The following NRXN1 variants were observed in gnomAD, a reference collection of about 807,000 sequenced individuals.
NRXN1 encodes neurexin-1.
Under a neutral mutation model 150.9 loss-of-function variants are expected in NRXN1, and 39 were observed. The ratio of observed to expected loss-of-function variants is 0.26; its 90% CI spans 0.20 to 0.34. The LOEUF (loss-of-function observed/expected upper bound fraction) is 0.34, where lower values mean the gene tolerates loss of function less well. Ranked by LOEUF, NRXN1 falls within the 10% of genes least tolerant of loss-of-function variation. The pLI is 1.00. For missense variants in NRXN1, 1,815 were observed against 1,949.9 expected (o/e 0.93, Z 1.30); for synonymous variants, 924 against 757.0 (o/e 1.22, Z -3.62).
intron 8 of NRXN1, among the ~76,000 whole-genome samples, chr2:50,579,187 G>C (rs1338750037): frequency 6.6e-6 from 1 of 152,220 alleles, no homozygotes; most frequent in Non-Finnish European, 1.5e-5. Flanking sequence ...AGCAGAGCAA[G>C]TGCTTTTTGG....
At chr2:50,448,807 G>A (rs1011041021) in intron 17 of NRXN1, among the ~76,000 whole-genome samples, 5 of 152,062 alleles carry the variant, frequency 3.3e-5, no homozygotes, top group Admixed American at 6.6e-5. Context: ...GCCACCTGCC[G>A]ACTCACTGAA....
At chr2:50,267,781 C>T (rs189279013) in intron 17 of NRXN1, among the ~76,000 whole-genome samples, 1 of 152,190 alleles carries the variant, frequency 6.6e-6, no homozygotes, top group East Asian at 1.9e-4. Flanking sequence ...ATTTTAAAAG[C>T]ACTTTATGAT....
At chr2:50,451,771 C>A (rs1312447467) in intron 17 of NRXN1, among the ~76,000 whole-genome samples, 2 of 152,142 alleles carry the variant, frequency 1.3e-5, no homozygotes, top group East Asian at 3.8e-4. Flanking sequence ...AGAACACAGG[C>A]ATACATCTTA....
Position 50,013,098 on chromosome 2 carries a change from C to A in NRXN1, c.4128+40173G>T, listed in dbSNP as rs1043590650. ...AAATATCCCTCTACTAACAGTCACT[C>A]AAGATCATGATTTAATCATTTCATG... On this transcript the variant is annotated intron_variant, in intron 21 of 22. Coordinates refer to ENST00000401669, the MANE Select transcript of NRXN1 (RefSeq NM_001330078.2). Among the ~76,000 whole-genome samples the A allele has an allele frequency of 4.6e-5, 7 of 152,160 alleles. No individual in the cohort carries two copies. In the South Asian group the frequency reaches 8.3e-4, roughly 18 times the overall value.
intron 15 of NRXN1, among the ~76,000 whole-genome samples, chr2:50,476,385 T>C (rs1230406420): frequency 1.3e-5 from 2 of 152,134 alleles, no homozygotes; most frequent in Admixed American, 1.3e-4. Context: ...TGCCACCTAC[T>C]GGCTGTCTCA....
rs938712525 is a variant in NRXN1 at position 50,865,864 on chromosome 2, T to C, written c.832+56005A>G. On this transcript the variant is annotated intron_variant, in intron 5 of 22. Transcript: ENST00000401669. ...AGCTCATTTAATCTTAAAAACAATCTGAGAAGGGGATCTTACAGAATCCCA... is the reference window on the plus strand; with the variant it reads ...AGCTCATTTAATCTTAAAAACAATCCGAGAAGGGGATCTTACAGAATCCCA... Among the ~76,000 whole-genome samples the C allele has an allele frequency of 8.6e-5, 13 of 151,020 alleles. 1 individual carries two copies. The highest frequency in any genetic ancestry group is 6.6e-4 in the Admixed American group (10 of 15,070).
At chr2:50,257,628 T>G (rs867272323) in intron 17 of NRXN1, among the ~76,000 whole-genome samples, 1 of 151,962 alleles carries the variant, frequency 6.6e-6, no homozygotes. Context: ...CCTCTGGAAG[T>G]GCCAACGAGT....
intron 17 of NRXN1, among the ~76,000 whole-genome samples, chr2:50,387,594 A>C (rs2081409872): frequency 6.6e-6 from 1 of 152,158 alleles, no homozygotes; most frequent in Non-Finnish European, 1.5e-5. Flanking sequence ...CTAAGGTAGG[A>C]GAAGTGAATA....
chr2:50,312,460 T>C (rs970681777), intron 17 of NRXN1, among the ~76,000 whole-genome samples: 4 of 151,902 alleles, frequency 2.6e-5, no homozygotes, highest in African/African-American at 9.7e-5. Flanking sequence ...AACTTTGCAG[T>C]TTTTACACAT....
At chr2:50,338,050 C>T (rs973622094) in intron 17 of NRXN1, among the ~76,000 whole-genome samples, 1 of 152,204 alleles carries the variant, frequency 6.6e-6, no homozygotes, top group African/African-American at 2.4e-5. Context: ...CTATATCTCA[C>T]CTAGGACTAG....
rs1409734254 is a variant in NRXN1, at chr2:50,401,195, T to A, written c.3364+64247A>T. On this transcript the variant is annotated intron_variant, in intron 17 of 22. Coordinates refer to ENST00000401669, the MANE Select transcript of NRXN1 (RefSeq NM_001330078.2). ...TCAGGTTCCTCATTCACACTCAATG[T>A]GGGAAGATGCTTACATTAATTTTTG... 3.3e-5 allele frequency among the ~76,000 whole-genome samples: 5 copies of A among 152,200 alleles called. No individual in the cohort carries two copies. The South Asian group carries it at 1.0e-3, about 31-fold the overall frequency.
At chr2:50,743,032 A>T (rs1199416061) in intron 5 of NRXN1, among the ~76,000 whole-genome samples, 2 of 152,228 alleles carry the variant, frequency 1.3e-5, no homozygotes, top group East Asian at 3.9e-4. Context: ...TAAAAGTATA[A>T]GAAAAGACAG....
chr2:50,825,958 TG>T (rs1027526126), intron 5 of NRXN1, among the ~76,000 whole-genome samples: 13 of 152,366 alleles, frequency 8.5e-5, no homozygotes, highest in African/African-American at 3.1e-4. Flanking sequence ...GGTATTGTGT[TG>T]GCTCTGCAAG....
At chr2:49,974,399 A>AC (rs1678573151) in intron 21 of NRXN1, among the ~76,000 whole-genome samples, 1 of 151,682 alleles carries the variant, frequency 6.6e-6, no homozygotes, top group South Asian at 2.1e-4. Context: ...CCTCCCTCTA[A>AC]CCCCCGACCG....
intron 17 of NRXN1, among the ~76,000 whole-genome samples, chr2:50,396,333 A>G (rs1283940928): frequency 6.6e-6 from 1 of 152,216 alleles, no homozygotes; most frequent in Non-Finnish European, 1.5e-5. Context: ...TTTGCTTAAC[A>G]GTATCACATG....
intron 17 of NRXN1, among the ~76,000 whole-genome samples, chr2:50,435,484 T>C (rs1225827658): frequency 1.3e-5 from 2 of 152,224 alleles, no homozygotes; most frequent in Non-Finnish European, 2.9e-5. Context: ...TTAAACATTA[T>C]GTAGTCTGCA....
At chr2:50,438,145 C>T (rs2085613608) in intron 17 of NRXN1, among the ~76,000 whole-genome samples, 1 of 152,166 alleles carries the variant, frequency 6.6e-6, no homozygotes, top group African/African-American at 2.4e-5. Flanking sequence ...CAGGTCATGG[C>T]CAGGAGTTAA....
At chr2:50,405,018 T>G (rs1484392843) in intron 17 of NRXN1, among the ~76,000 whole-genome samples, 1 of 152,134 alleles carries the variant, frequency 6.6e-6, no homozygotes, top group African/African-American at 2.4e-5. Context: ...ACAAACGTTC[T>G]GGTCTAGAAT....
intron 5 of NRXN1, among the ~76,000 whole-genome samples, chr2:50,802,536 A>T (rs1707754225): frequency 6.8e-6 from 1 of 146,244 alleles, no homozygotes; most frequent in Non-Finnish European, 1.5e-5. Context: ...GAAGGAAGGA[A>T]GGAAGGAAGG....
Sources: gnomAD v4.1 joint callset for allele counts (sites outside exome capture counted in the v4.1 genomes callset) on GRCh38, gnomAD v4.1.1 for gene constraint, MANE v1.5 for transcripts, NCBI Gene and HGNC (gene_info 2026-07-23, HGNC 2026-07-21) for gene names.